SLC9B2: variants seen among roughly 807,000 people sequenced by gnomAD.
SLC9B2 encodes the protein sodium/hydrogen exchanger 9B2.
A neutral mutation model predicts 52.2 loss-of-function variants in SLC9B2; 39 were observed. That is an observed-to-expected ratio of 0.75 (90% CI 0.58 to 0.98). The LOEUF is 0.98. Among genes scored for constraint, SLC9B2 ranks in the 50% least tolerant of loss-of-function variants. SLC9B2 has a pLI of 0.00. For missense variants in SLC9B2, 626 were observed against 637.5 expected, an observed-to-expected ratio of 0.98 and a Z score of 0.19; for synonymous variants, 214 against 227.0, an observed-to-expected ratio of 0.94 and a Z score of 0.51.
chr4:103,032,217 T>C (rs942682212), intron 9 of SLC9B2, among the ~76,000 whole-genome samples: 6 of 152,152 alleles, frequency 3.9e-5, no homozygotes, highest in African/African-American at 1.4e-4. Flanking sequence ...GGTACATATA[T>C]CTAGATATGC....
intron 7 of SLC9B2, among the ~76,000 whole-genome samples, chr4:103,046,042 T>A (rs963807587): frequency 2.6e-5 from 4 of 152,152 alleles, no homozygotes; most frequent in Non-Finnish European, 5.9e-5. Context: ...GAAAACAATG[T>A]TTTAAGAAAA....
At chr4:103,045,031 A>T in intron 7 of SLC9B2, 35 bp from the exon 8 acceptor site, 1 of 1,361,758 alleles carries the variant, frequency 7.3e-7, no homozygotes. Context: ...AGAGCTCTAA[A>T]TCCAACAAAT....
rs1444820814 is a variant in SLC9B2 at position 103,043,261 on chromosome 4, G to T, written c.1146+35C>A. On this transcript the variant is annotated intron_variant, in intron 9 of 11. Transcript: ENST00000394785. The stretch of plus-strand genomic sequence containing the variant: ...AAGCCAACTTAATCTCATTAGAAAA[G>T]AGTCATGAGCAGAAAAACTTAAAAT... 3.2e-6 allele frequency: 5 copies of T among 1,570,356 alleles called. No homozygotes were observed. In the Admixed American group the frequency reaches 1.0e-4, roughly 32 times the overall value.
intron 1 of SLC9B2, among the ~76,000 whole-genome samples, chr4:103,070,413 A>G (rs1192251630): frequency 6.6e-6 from 1 of 152,208 alleles, no homozygotes; most frequent in Admixed American, 6.5e-5. Flanking sequence ...GGACTCATGC[A>G]GAGCCCATTA....
At chr4:103,072,376 G>A (rs1205852166) in intron 1 of SLC9B2, among the ~76,000 whole-genome samples, 1 of 152,130 alleles carries the variant, frequency 6.6e-6, no homozygotes, top group Non-Finnish European at 1.5e-5. Context: ...ATATCTTTAT[G>A]TCAAATATCT....
In SLC9B2 at chr4:103,063,382, T is replaced by C. The variant is rs147735179; in HGVS notation, c.271+2945A>G. Among the ~76,000 whole-genome samples the C allele has an allele frequency of 8.2e-3, 1,243 of 152,322 alleles. 5 individuals carry two copies. Among genetic ancestry groups the C allele is most frequent in the Middle Eastern group, 0.02 (6 of 294 alleles). The stretch of plus-strand genomic sequence containing the variant: ...GAGCCTAAAGTATAGTATATTATGC[T>C]TATCTTTCATTGTCCCAGATGATAA... On this transcript the variant is annotated intron_variant, in intron 3 of 11. Transcript: ENST00000394785.
In SLC9B2 at chr4:103,057,861, C is replaced by T. The variant is rs746021649; in HGVS notation, c.382G>A (p.Gly128Ser). Residue 128 changes from glycine (G) to serine (S), a missense_variant, in exon 4 of 12, where the codon GGT (glycine) becomes AGT (serine). Coordinates refer to ENST00000394785, the MANE Select transcript of SLC9B2 (RefSeq NM_178833.7). ...IIILFYCAII[G>S]GKLLGLIKLP... ...TTAATAAGCCCCAAAAGTTTACCAC[C>T]AATGATGGCACAATAGAATAGGATT... 1.9e-6 allele frequency: 3 copies of T among 1,613,508 alleles called. No homozygotes were observed. In the East Asian group the frequency reaches 6.7e-5, roughly 36 times the overall value.
intron 5 of SLC9B2, among the ~76,000 whole-genome samples, chr4:103,050,024 A>G (rs577557371): frequency 3.0e-4 from 45 of 152,176 alleles, no homozygotes; most frequent in African/African-American, 1.0e-3. Flanking sequence ...AAAAAAAAAA[A>G]AAAGGAAGAA....
chr4:103,047,772 A>C (rs989727097), intron 6 of SLC9B2, among the ~76,000 whole-genome samples: 5 of 151,992 alleles, frequency 3.3e-5, no homozygotes, highest in African/African-American at 1.2e-4. Flanking sequence ...TATGTGCCAC[A>C]TTTTCTTAAT....
chr4:103,045,047 G>T (rs759292866), intron 7 of SLC9B2, 51 bp from the exon 8 acceptor site: 1 of 1,185,772 alleles, frequency 8.4e-7, no homozygotes. Flanking sequence ...CAAATACACA[G>T]GTTTTATTCC....
chr4:103,057,041 T>C (rs1017067059), intron 4 of SLC9B2, among the ~76,000 whole-genome samples: 4 of 152,090 alleles, frequency 2.6e-5, no homozygotes, highest in African/African-American at 9.7e-5. Flanking sequence ...TTGTTGTTGT[T>C]GTTACAGATA....
chr4:103,060,873 A>G (rs1745579687), intron 3 of SLC9B2, among the ~76,000 whole-genome samples: 1 of 152,208 alleles, frequency 6.6e-6, no homozygotes, highest in South Asian at 2.1e-4. Context: ...GGATGAAGTT[A>G]AACATTTTTA....
At chr4:103,044,198 A>G (rs1743895352) in intron 8 of SLC9B2, among the ~76,000 whole-genome samples, 1 of 152,190 alleles carries the variant, frequency 6.6e-6, no homozygotes, top group African/African-American at 2.4e-5. Context: ...CAAGTCACTT[A>G]TCCTGCCTAA....
chr4:103,039,686 C>T (rs1425658402), intron 9 of SLC9B2, among the ~76,000 whole-genome samples: 1 of 136,776 alleles, frequency 7.3e-6, no homozygotes, highest in African/African-American at 2.8e-5. Flanking sequence ...CTCGGTCTGT[C>T]GCCCAGGGTG....
intron 3 of SLC9B2, among the ~76,000 whole-genome samples, chr4:103,064,144 G>A (rs960624631): frequency 3.9e-5 from 6 of 152,190 alleles, no homozygotes; most frequent in African/African-American, 1.4e-4. Flanking sequence ...CCATTACTGG[G>A]TATGTATCCA....
chr4:103,043,290 ATT>A lies in SLC9B2; in HGVS notation c.1146+4_1146+5del. 2.5e-6 allele frequency: 4 copies of A among 1,595,588 alleles called. No homozygotes were observed. The highest frequency in any genetic ancestry group is 3.4e-6 in the Non-Finnish European group (4 of 1,175,078). Reference sequence around the variant, plus strand: ...CATGAGCAGAAAAACTTAAAATGAAATTCACCTTTTCGCTGGTCCATCCCATG... The same window carrying A: ...CATGAGCAGAAAAACTTAAAATGAAACACCTTTTCGCTGGTCCATCCCATG... On this transcript the variant is annotated splice_donor_5th_base_variant and intron_variant, in intron 9 of 11. Coordinates refer to ENST00000394785, the MANE Select transcript of SLC9B2 (RefSeq NM_178833.7).
chr4:103,062,845 C>T (rs905485069), intron 3 of SLC9B2, among the ~76,000 whole-genome samples: 10 of 152,160 alleles, frequency 6.6e-5, no homozygotes, highest in South Asian at 2.1e-4. Context: ...CTCCTGACCT[C>T]GTCATCCACC....
At chr4:103,067,313 G>T (rs1746222503) in intron 2 of SLC9B2, 148 bp downstream of exon 2, 1 of 639,940 alleles carries the variant, frequency 1.6e-6, no homozygotes, top group Admixed American at 2.8e-5. Context: ...CATTTTTCTA[G>T]TTACAGGTAG....
Position 103,050,403 on chromosome 4 carries a change from A to G in SLC9B2, c.443-21T>C, listed in dbSNP as rs747222713. 14 of 1,548,018 alleles carry G rather than the reference A, an allele frequency of 9.0e-6. 1 individual carries two copies. The highest frequency in any genetic ancestry group is 3.5e-4 in the Middle Eastern group (2 of 5,792). On this transcript the variant is annotated intron_variant, in intron 4 of 11. Transcript: ENST00000394785. ...CATGCCTTGAACGAAGAAATCAAAC[A>G]TATCTAGTTAGTTTTCAAATACAGA...
Sources: gnomAD v4.1 joint callset for allele counts (sites outside exome capture counted in the v4.1 genomes callset) on GRCh38, gnomAD v4.1.1 for gene constraint, MANE v1.5 for transcripts, NCBI Gene and HGNC (gene_info 2026-07-23, HGNC 2026-07-21) for gene names.